NEK10: variants seen among roughly 807,000 people sequenced by gnomAD.
NEK10 encodes NIMA related kinase 10.
A neutral mutation model predicts 159.8 loss-of-function variants in NEK10; 122 were observed. That is an observed-to-expected ratio of 0.76 (90% CI 0.66 to 0.89). NEK10 has a LOEUF of 0.89. Among genes scored for constraint, NEK10 ranks in the 40% least tolerant of loss-of-function variants. The probability of loss-of-function intolerance (pLI) is 0.00; values close to 1 mark genes in which losing one functional copy is unlikely to be tolerated. For synonymous variants in NEK10, 466 were observed against 457.1 expected (o/e 1.02, Z -0.25); for missense variants, 1,342 against 1,323.1 (o/e 1.01, Z -0.22).
intron 29 of NEK10, among the ~76,000 whole-genome samples, chr3:27,166,584 G>A (rs1028305379): frequency 8.5e-5 from 13 of 152,200 alleles, no homozygotes; most frequent in Admixed American, 7.2e-4. Context: ...AAGATCCACA[G>A]GTCCTGAAAA....
chr3:27,309,497 T>C (rs1389885289), intron 9 of NEK10: 1 of 152,340 alleles, frequency 6.6e-6, no homozygotes, highest in Non-Finnish European at 1.5e-5. Flanking sequence ...CTCCTTACTT[T>C]GGAACTCTTG....
At chr3:27,153,513 A>G (rs1332921302) in intron 30 of NEK10, among the ~76,000 whole-genome samples, 1 of 152,142 alleles carries the variant, frequency 6.6e-6, no homozygotes, top group African/African-American at 2.4e-5. Flanking sequence ...CATTCTATTC[A>G]ACAGTGCATG....
chr3:27,350,151 GGCCT>G (rs2047866737), intron 3 of NEK10, among the ~76,000 whole-genome samples: 1 of 152,090 alleles, frequency 6.6e-6, no homozygotes, highest in Non-Finnish European at 1.5e-5. Context: ...CAGCTGAGTG[GGCCT>G]TAATCACAGG....
At chr3:27,217,069 C>G (rs543292776) in intron 23 of NEK10, among the ~76,000 whole-genome samples, 1 of 152,254 alleles carries the variant, frequency 6.6e-6, no homozygotes, top group African/African-American at 2.4e-5. Flanking sequence ...ATTTTACTGA[C>G]AGGCTTCTTA....
At chr3:27,156,260 G>T (rs1945407015) in intron 30 of NEK10, among the ~76,000 whole-genome samples, 2 of 151,956 alleles carry the variant, frequency 1.3e-5, no homozygotes, top group Non-Finnish European at 2.9e-5. Context: ...TAATGACCAA[G>T]AAACTAAAAG....
At chr3:27,366,175 A>C (rs2049068349) in intron 1 of NEK10, among the ~76,000 whole-genome samples, 1 of 152,146 alleles carries the variant, frequency 6.6e-6, no homozygotes, top group African/African-American at 2.4e-5. Flanking sequence ...ATATTAATTC[A>C]TGTAATGTTC....
In NEK10 at chr3:27,136,103, ATTTTTTTTT is replaced by A. The variant is rs775843715; in HGVS notation, c.2971-4122_2971-4114del. On this transcript the variant is annotated intron_variant, in intron 31 of 35. Coordinates refer to ENST00000691995, the MANE Select transcript of NEK10 (RefSeq NM_001394966.1). ...GGCTTGCCTGTTCTCTAGGAGATCGATTTTTTTTTTTTTTTTTTTTTTTTTTTGAGATAG... is the reference window on the plus strand; with the variant it reads ...GGCTTGCCTGTTCTCTAGGAGATCGATTTTTTTTTTTTTTTTTTGAGATAG... Among the ~76,000 whole-genome samples, 474 of 60,702 alleles carry A rather than the reference ATTTTTTTTT, an allele frequency of 7.8e-3. 3 individuals carry two copies. Among genetic ancestry groups the A allele is most frequent in the African/African-American group, 0.028 (449 of 16,064 alleles). The allele number at this position is 60,702 out of a possible 152,430, so 39.8% of individuals were successfully genotyped here. A position where few individuals can be genotyped will look rare whatever the true frequency, so the allele number is the denominator to read the frequency against.
rs528229135 is a variant in NEK10 at position 27,237,318 on chromosome 3, C to T, written c.2090+18978G>A. ...TGAGGTGACGTACATTCTCAGCTTA[C>T]GAAGATAACAGGATTAAGAGATTAA... On this transcript the variant is annotated intron_variant, in intron 23 of 35. Transcript: ENST00000691995. 4.0e-5 allele frequency among the ~76,000 whole-genome samples: 6 copies of T among 151,294 alleles called. No individual in the cohort carries two copies. The East Asian group carries it at 5.8e-4, about 15-fold the overall frequency.
At chr3:27,165,292 T>C (rs1946378874) in intron 29 of NEK10, among the ~76,000 whole-genome samples, 1 of 152,220 alleles carries the variant, frequency 6.6e-6, no homozygotes, top group Non-Finnish European at 1.5e-5. Flanking sequence ...AACAGACTCA[T>C]TGTCACCAGA....
At chr3:27,314,842 C>T (rs1398115880) in intron 6 of NEK10, among the ~76,000 whole-genome samples, 1 of 152,172 alleles carries the variant, frequency 6.6e-6, no homozygotes, top group African/African-American at 2.4e-5. Context: ...GAATCCTGCA[C>T]CCACCCCAGA....
In NEK10 at chr3:27,171,888, T is replaced by C; in HGVS notation, c.2777-15A>G. On this transcript the variant is annotated splice_polypyrimidine_tract_variant and intron_variant, in intron 28 of 35. Coordinates refer to ENST00000691995, the MANE Select transcript of NEK10 (RefSeq NM_001394966.1). ...CTTTAAAATGTCTGAGACGAGAAAATAGAAATAACTTTACATTATTTCCTC... is the reference window on the plus strand; with the variant it reads ...CTTTAAAATGTCTGAGACGAGAAAACAGAAATAACTTTACATTATTTCCTC... The C allele has an allele frequency of 1.2e-6, 2 of 1,608,382 alleles. No homozygotes were observed. The highest frequency in any genetic ancestry group is 1.7e-6 in the Non-Finnish European group (2 of 1,176,928).
At chr3:27,230,628 C>T (rs148992806) in intron 23 of NEK10, among the ~76,000 whole-genome samples, 1 of 151,930 alleles carries the variant, frequency 6.6e-6, no homozygotes, top group Non-Finnish European at 1.5e-5. Context: ...AAGAGACTCA[C>T]CTAACACATA....
intron 23 of NEK10, among the ~76,000 whole-genome samples, chr3:27,213,604 A>T (rs1460635684): frequency 1.3e-5 from 2 of 152,198 alleles, no homozygotes; most frequent in African/African-American, 4.8e-5. Context: ...CTGAAAAACT[A>T]GTTCAGGCCG....
At chr3:27,249,468 T>C (rs183336511) in intron 23 of NEK10, among the ~76,000 whole-genome samples, 1 of 152,342 alleles carries the variant, frequency 6.6e-6, no homozygotes, top group East Asian at 1.9e-4. Flanking sequence ...TTTATCATTA[T>C]ATAATGACTT....
rs766066353 is a variant in NEK10 at position 27,131,954 on chromosome 3, C to A, written c.3007G>T (p.Val1003Phe). 5 of 1,608,308 alleles carry A rather than the reference C, an allele frequency of 3.1e-6. No homozygotes were observed. The South Asian group carries it at 5.5e-5, about 18-fold the overall frequency. Residue 1003 changes from valine (V) to phenylalanine (F), a missense_variant, in exon 32 of 36, where the codon GTT (valine) becomes TTT (phenylalanine). By Grantham distance (50) the Val-to-Phe change is conservative. Transcript: ENST00000691995. ...PALHHNLKRR[V>F]IERFKKSLFS... Reference sequence around the variant, plus strand: ...AGGGATTTCTTGAATCTCTCTATAACCCTTCTTTTCAAATTGTGGTGCAAA... The same window carrying A: ...AGGGATTTCTTGAATCTCTCTATAAACCTTCTTTTCAAATTGTGGTGCAAA...
chr3:27,193,487 C>T (rs534240762), intron 25 of NEK10, among the ~76,000 whole-genome samples: 105 of 151,940 alleles, frequency 6.9e-4, no homozygotes, highest in African/African-American at 2.5e-3. Context: ...TTAACTTCCT[C>T]CACTCTTTCC....
At chr3:27,141,351 C>A in intron 31 of NEK10, 131 bp downstream of exon 31, 2 of 593,566 alleles carry the variant, frequency 3.4e-6, no homozygotes, top group Non-Finnish European at 5.8e-6. Context: ...ACTAAAGTGT[C>A]CCCACATGTA....
intron 22 of NEK10, among the ~76,000 whole-genome samples, chr3:27,275,482 G>C (rs567804488): frequency 5.1e-4 from 78 of 152,274 alleles, no homozygotes; most frequent in Non-Finnish European, 9.7e-4. Flanking sequence ...TGCTATGAGG[G>C]TATTTAACAC....
intron 30 of NEK10, among the ~76,000 whole-genome samples, chr3:27,161,777 G>A (rs981707083): frequency 1.3e-5 from 2 of 151,984 alleles, no homozygotes; most frequent in African/African-American, 4.8e-5. Flanking sequence ...TTTAATCGTG[G>A]GCGGATCACC....
Sources: gnomAD v4.1 joint callset for allele counts (sites outside exome capture counted in the v4.1 genomes callset) on GRCh38, gnomAD v4.1.1 for gene constraint, MANE v1.5 for transcripts, NCBI Gene and HGNC (gene_info 2026-07-23, HGNC 2026-07-21) for gene names.